The following STXBP4 variants were observed in gnomAD, a reference collection of about 807,000 sequenced individuals.
STXBP4 encodes the protein syntaxin binding protein 4.
In STXBP4, 55 loss-of-function variants were observed where a neutral mutation model predicts 76.1. The observed-to-expected ratio is 0.72, with a 90% CI of 0.58 to 0.91. STXBP4 has a LOEUF of 0.91. Among genes scored for constraint, STXBP4 ranks in the 40% least tolerant of loss-of-function variants. The pLI is 0.00. For synonymous variants in STXBP4, 201 were observed against 220.2 expected, an observed-to-expected ratio of 0.91 and a Z score of 0.77; for missense variants, 618 against 636.9, an observed-to-expected ratio of 0.97 and a Z score of 0.32.
At chr17:54,992,131 G>A (rs1380504571) in intron 4 of STXBP4, among the ~76,000 whole-genome samples, 2 of 152,058 alleles carry the variant, frequency 1.3e-5, no homozygotes, top group Non-Finnish European at 2.9e-5. Context: ...AAGTGTTATA[G>A]AGGCCAGGCA....
chr17:55,197,754 A>G, the STXBP4 span, among the ~76,000 whole-genome samples: 2 of 151,210 alleles, frequency 1.3e-5, no homozygotes. Flanking sequence ...AAAAAAAAAA[A>G]GAAGAAAAAA....
rs1385303503 is a variant in STXBP4 at position 55,127,948 on chromosome 17, T to C, written c.1490-13362T>C. On this transcript the variant is annotated intron_variant, in intron 16 of 17. Coordinates refer to ENST00000376352, the MANE Select transcript of STXBP4 (RefSeq NM_178509.6). ...TTATATTCAAGGTCGGAAACAGCAA[T>C]GATCTTGACTTCATTTCATCTAGTC... 2.8e-5 allele frequency among the ~76,000 whole-genome samples: 4 copies of C among 142,152 alleles called. No individual in the cohort carries two copies. In the East Asian group the frequency reaches 7.9e-4, roughly 28 times the overall value. 93.3% of individuals were successfully genotyped at this position (142,152 alleles called of 152,430 possible). A position where few individuals can be genotyped will look rare whatever the true frequency, so the allele number is the denominator to read the frequency against.
chr17:55,077,073 A>G (rs1174263738), intron 13 of STXBP4, among the ~76,000 whole-genome samples: 1 of 152,168 alleles, frequency 6.6e-6, no homozygotes, highest in Non-Finnish European at 1.5e-5. Context: ...ATTAAACATA[A>G]TTGCCTTATA....
chr17:55,023,354 G>A (rs2144637846), intron 8 of STXBP4, among the ~76,000 whole-genome samples: 1 of 152,292 alleles, frequency 6.6e-6, no homozygotes, highest in South Asian at 2.1e-4. Flanking sequence ...TGGAATATTT[G>A]CATGTATATG....
intron 12 of STXBP4, among the ~76,000 whole-genome samples, chr17:55,058,392 A>G (rs762872620): frequency 6.6e-6 from 1 of 152,094 alleles, no homozygotes; most frequent in African/African-American, 2.4e-5. Flanking sequence ...CCACTTTTTG[A>G]TGGGGTTAAT....
At position 55,000,888 on chromosome 17, in the gene STXBP4, A is replaced by G. The variant is rs753068320; in HGVS notation, c.574+5A>G. On this transcript the variant is annotated splice_donor_5th_base_variant and intron_variant, in intron 7 of 17. Transcript: ENST00000376352. ...CTGTGGGTTTGTCTAATACAGGTAA[A>G]TACACATTTAATTTCTATTTCCTGT... is the stretch of plus-strand genomic sequence containing the variant. 3 of 1,543,792 alleles carry G rather than the reference A, an allele frequency of 1.9e-6. No individual in the cohort carries two copies. Among genetic ancestry groups the G allele is most frequent in the East Asian group, 4.5e-5 (2 of 44,252 alleles).
At chr17:55,105,605 G>C (rs2079624504) in intron 16 of STXBP4, among the ~76,000 whole-genome samples, 1 of 151,524 alleles carries the variant, frequency 6.6e-6, no homozygotes. Flanking sequence ...AAGTAGCTGG[G>C]ACGACAGGCA....
At chr17:55,192,007 A>G in the STXBP4 span, among the ~76,000 whole-genome samples, 1 of 152,224 alleles carries the variant, frequency 6.6e-6, no homozygotes, top group Admixed American at 6.5e-5. Flanking sequence ...AGTTTATTAT[A>G]AAGGATATAA....
intron 10 of STXBP4, among the ~76,000 whole-genome samples, chr17:55,035,987 C>G (rs1460516330): frequency 6.6e-6 from 1 of 151,924 alleles, no homozygotes; most frequent in East Asian, 1.9e-4. Context: ...TATGCTTTAC[C>G]TCAAATAATT....
chr17:55,007,558 A>G lies in STXBP4; in HGVS notation c.627A>G (p.Leu209=). The G allele has an allele frequency of 6.2e-7, 1 of 1,608,614 alleles. No homozygotes were observed. Among genetic ancestry groups the G allele is most frequent in the East Asian group, 2.2e-5 (1 of 44,786 alleles). The change falls in exon 8 of 18, where the codon CTA becomes CTG. Residue 209 remains leucine, a synonymous_variant. Transcript: ENST00000376352. ...ATGGGCTACAAGAAAAGATCTCCCTAAATCCCTCTGTTCGCTTTAAGGCAG... is the reference window on the plus strand; with the variant it reads ...ATGGGCTACAAGAAAAGATCTCCCTGAATCCCTCTGTTCGCTTTAAGGCAG... ...ENYGLQEKIS[L]NPSVRFKAEK...
chr17:54,983,658 A>G (rs188182661), intron 1 of STXBP4, among the ~76,000 whole-genome samples: 1 of 152,202 alleles, frequency 6.6e-6, no homozygotes, highest in Non-Finnish European at 1.5e-5. Context: ...CACAATATTA[A>G]ATAAATACAT....
intron 3 of STXBP4, among the ~76,000 whole-genome samples, chr17:54,987,995 T>C (rs866902113): frequency 2.0e-5 from 3 of 152,112 alleles, no homozygotes; most frequent in African/African-American, 7.2e-5. Flanking sequence ...GAAAAAAGAG[T>C]ATATAATCTA....
chr17:55,131,571 T>A (rs1483468423), intron 16 of STXBP4, among the ~76,000 whole-genome samples: 1 of 152,228 alleles, frequency 6.6e-6, no homozygotes. Flanking sequence ...TCAGACATGC[T>A]GCTATTACTC....
At chr17:55,078,439 T>C (rs1347573394) in intron 14 of STXBP4, among the ~76,000 whole-genome samples, 1 of 152,158 alleles carries the variant, frequency 6.6e-6, no homozygotes, top group African/African-American at 2.4e-5. Context: ...TAATGAATAC[T>C]TTACCAAAAA....
intron 8 of STXBP4, among the ~76,000 whole-genome samples, chr17:55,018,467 A>G (rs764585671): frequency 1.3e-5 from 2 of 152,166 alleles, no homozygotes; most frequent in Admixed American, 6.5e-5. Flanking sequence ...CAGAGCTCCC[A>G]TAGAAAGGGA....
At chr17:55,006,138 T>C (rs1351984002) in intron 7 of STXBP4, among the ~76,000 whole-genome samples, 1 of 152,134 alleles carries the variant, frequency 6.6e-6, no homozygotes, top group Non-Finnish European at 1.5e-5. Flanking sequence ...TTCTATTTAA[T>C]ACTAAAATCA....
At chr17:54,996,935 A>G (rs2077814349) in intron 4 of STXBP4, among the ~76,000 whole-genome samples, 1 of 152,232 alleles carries the variant, frequency 6.6e-6, no homozygotes, top group African/African-American at 2.4e-5. Context: ...GGTCAGGAAT[A>G]TATTATTATT....
intron 11 of STXBP4, chr17:55,043,825 G>C (rs1029511352): frequency 8.4e-6 from 5 of 591,860 alleles, no homozygotes; most frequent in Admixed American, 7.1e-5. Flanking sequence ...CTCTTTTTTT[G>C]TTTGTTTGGT....
chr17:55,130,450 T>G (rs1330694346), intron 16 of STXBP4, among the ~76,000 whole-genome samples: 1 of 152,234 alleles, frequency 6.6e-6, no homozygotes, highest in African/African-American at 2.4e-5. Context: ...GATGTTTCAG[T>G]ATATACATAC....
Sources: gnomAD v4.1 joint callset for allele counts (sites outside exome capture counted in the v4.1 genomes callset) on GRCh38, gnomAD v4.1.1 for gene constraint, MANE v1.5 for transcripts, NCBI Gene and HGNC (gene_info 2026-07-23, HGNC 2026-07-21) for gene names.